The following CYP26C1 variants were observed in gnomAD, a reference collection of about 807,000 sequenced individuals.
CYP26C1 encodes cytochrome P450 family 26 subfamily C member 1.
Under a neutral mutation model 39.1 loss-of-function variants are expected in CYP26C1, and 41 were observed. The observed-to-expected ratio is 1.05, with a 90% CI of 0.82 to 1.36. CYP26C1 has a LOEUF of 1.36. Ranked by LOEUF, CYP26C1 falls within the 40% of genes most tolerant of loss-of-function variation. The probability of loss-of-function intolerance (pLI) is 0.00; values close to 1 mark genes in which losing one functional copy is unlikely to be tolerated. For synonymous variants in CYP26C1, 362 were observed against 350.8 expected, an observed-to-expected ratio of 1.03 and a Z score of -0.36; for missense variants, 833 against 752.0, an observed-to-expected ratio of 1.11 and a Z score of -1.26.
At chr10:93,067,216 C>G (rs2134415576) in intron 5 of CYP26C1, among the ~76,000 whole-genome samples, 1 of 152,348 alleles carries the variant, frequency 6.6e-6, no homozygotes, top group African/African-American at 2.4e-5. Flanking sequence ...GACTGACAGC[C>G]TCATCCCACT....
At chr10:93,066,937 C>T (rs1474140242) in intron 5 of CYP26C1, among the ~76,000 whole-genome samples, 3 of 152,240 alleles carry the variant, frequency 2.0e-5, no homozygotes, top group Non-Finnish European at 4.4e-5. Context: ...CTTTCCAGCT[C>T]TGACACTCCA....
chr10:93,064,482 A>G lies in CYP26C1; in HGVS notation c.807A>G (p.Leu269=). The change falls in exon 4 of 6, where the codon CTA becomes CTG. Residue 269 remains leucine (L), a synonymous_variant. Coordinates refer to ENST00000651965, the MANE Select transcript of CYP26C1 (RefSeq NM_183374.3). ...KAAEPGDALD[L]IIHSARELGH... ...CAGAGCCGGGTGATGCCCTCGACCT[A>G]ATCATTCACAGTGCAAGGGAGCTGG... The G allele has an allele frequency of 6.2e-7, 1 of 1,614,122 alleles. No homozygotes were observed. Among genetic ancestry groups the G allele is most frequent in the Non-Finnish European group, 8.5e-7 (1 of 1,180,020 alleles).
Position 93,068,867 on chromosome 10 carries a change from G to T in CYP26C1, c.*170G>T. On this transcript the variant is annotated 3_prime_UTR_variant, in exon 6 of 6. Coordinates refer to ENST00000651965, the MANE Select transcript of CYP26C1 (RefSeq NM_183374.3). ...GTGTGCCGGACTCGAGGAAGGAGGA[G>T]GGCGAGCCACCGCTGCCGCGCCAGA... 1 of 1,203,372 alleles carries T rather than the reference G, an allele frequency of 8.3e-7. No individual in the cohort carries two copies. The allele number at this position is 1,203,372 out of a possible 1,614,324, so 74.5% of individuals were successfully genotyped here.
In CYP26C1 at chr10:93,066,277, G is replaced by A; in HGVS notation, c.1183G>A (p.Glu395Lys). The A allele has an allele frequency of 2.1e-6, 3 of 1,398,934 alleles. No homozygotes were observed. Among genetic ancestry groups the A allele is most frequent in the Non-Finnish European group, 2.8e-6 (3 of 1,076,422 alleles). 86.7% of individuals were successfully genotyped at this position (1,398,934 alleles called of 1,614,324 possible). A position where few individuals can be genotyped will look rare whatever the true frequency, so the allele number is the denominator to read the frequency against. Residue 395 changes from glutamate to lysine, a missense_variant, in exon 5 of 6, where the codon GAG (glutamate) becomes AAG (lysine). By Grantham distance (56) the Glu-to-Lys change is moderately conservative. Coordinates refer to ENST00000651965, the MANE Select transcript of CYP26C1 (RefSeq NM_183374.3). ...GGYRTALRTF[E>K]LDGYQIPKGW... Reference sequence around the variant, plus strand: ...CTACCGCACCGCCCTGCGCACCTTCGAGCTCGACGTAAGTGCGCCGTGCCA... The same window carrying A: ...CTACCGCACCGCCCTGCGCACCTTCAAGCTCGACGTAAGTGCGCCGTGCCA...
intron 4 of CYP26C1, 103 bp from the exon 5 acceptor site, chr10:93,065,853 C>A: frequency 1.7e-6 from 2 of 1,162,764 alleles, no homozygotes; most frequent in South Asian, 2.3e-5. Flanking sequence ...TGGCTTTTCG[C>A]AATAGTAAAT....
chr10:93,062,068 T>A lies in CYP26C1; in HGVS notation c.263T>A (p.Leu88Gln). 1 of 1,581,162 alleles carries A rather than the reference T, an allele frequency of 6.3e-7. No homozygotes were observed. The highest frequency in any genetic ancestry group is 2.3e-5 in the East Asian group (1 of 43,566). Reference protein sequence around the residue: ...ERYGTVFKTHLLGRPVIRVSG... With the variant: ...ERYGTVFKTHQLGRPVIRVSG... ...TATGGGACAGTGTTCAAGACGCACC[T>A]GCTGGGCAGGCCAGTGATCCGCGTG... The change falls in exon 2 of 6, where the codon CTG becomes CAG. Residue 88 changes from leucine to glutamine, a missense_variant. Leu to Gln is a moderately radical substitution (Grantham distance 113, BLOSUM62 -2). Transcript: ENST00000651965.
At chr10:93,063,086 G>A (rs1846774010) in intron 3 of CYP26C1, 91 bp downstream of exon 3, 2 of 1,476,186 alleles carry the variant, frequency 1.4e-6, no homozygotes, top group Admixed American at 2.3e-5. Flanking sequence ...GGCGCACCCC[G>A]CGCGTCCGTC....
intron 2 of CYP26C1, 39 bp downstream of exon 2, chr10:93,062,273 C>T (rs929161821): frequency 2.0e-6 from 3 of 1,484,784 alleles, no homozygotes; most frequent in Non-Finnish European, 1.8e-6. Context: ...TACGTCGGAT[C>T]CGCGGTCCCC....
At position 93,061,113 on chromosome 10, in the gene CYP26C1, TC is replaced by T; in HGVS notation, c.-150del. On this transcript the variant is annotated 5_prime_UTR_variant, in exon 1 of 6. Transcript: ENST00000651965. Reference sequence around the variant, plus strand: ...CGTCCGTCTGTTTTTAGAACAGAGTTCTGGCCTGAGCTTATAAATCTCGGGC... The same window carrying T: ...CGTCCGTCTGTTTTTAGAACAGAGTTTGGCCTGAGCTTATAAATCTCGGGC... The T allele has an allele frequency of 1.3e-6, 1 of 779,842 alleles. No individual in the cohort carries two copies. The highest frequency in any genetic ancestry group is 2.0e-6 in the Non-Finnish European group (1 of 491,924). 48.3% of individuals were successfully genotyped at this position (779,842 alleles called of 1,614,324 possible). A position where few individuals can be genotyped will look rare whatever the true frequency, so the allele number is the denominator to read the frequency against.
intron 3 of CYP26C1, chr10:93,063,761 T>C (rs1303548488): frequency 1.0e-6 from 1 of 982,796 alleles, no homozygotes; most frequent in East Asian, 1.1e-4. Context: ...TTTTATTGAC[T>C]TACCCAAGAT....
Position 93,062,168 on chromosome 10 carries a change from G to A in CYP26C1, c.363G>A (p.Ala121=). The change falls in exon 2 of 6, where the codon GCG becomes GCA. Residue 121 remains alanine (A), a synonymous_variant. Transcript: ENST00000651965. ...RLVRSQWPQS[A]HILLGSHTLL... is the part of the protein sequence containing the mutation. The stretch of plus-strand genomic sequence containing the variant: ...TGCGCAGCCAGTGGCCGCAGAGTGC[G>A]CACATCCTGCTGGGCTCGCACACAC... 6.5e-7 allele frequency: 1 copy of A among 1,538,852 alleles called. No individual in the cohort carries two copies. Among genetic ancestry groups the A allele is most frequent in the African/African-American group, 1.4e-5 (1 of 73,150 alleles).
chr10:93,061,064 C>T lies in CYP26C1; in HGVS notation c.-200C>T, dbSNP rs1198032208. On this transcript the variant is annotated 5_prime_UTR_variant, in exon 1 of 6. Coordinates refer to ENST00000651965, the MANE Select transcript of CYP26C1 (RefSeq NM_183374.3). ...TCGAGGAAGGCACGTTCCCTAAGGGCGCACGGTCACTGCAGTCTTTCACCG... is the reference window on the plus strand; with the variant it reads ...TCGAGGAAGGCACGTTCCCTAAGGGTGCACGGTCACTGCAGTCTTTCACCG... 1.7e-6 allele frequency: 1 copy of T among 578,670 alleles called. No homozygotes were observed. The highest frequency in any genetic ancestry group is 3.2e-5 in the East Asian group (1 of 31,136). The allele number at this position is 578,670 out of a possible 1,614,324, so 35.8% of individuals were successfully genotyped here.
At position 93,069,023 on chromosome 10, in the gene CYP26C1, GC is replaced by G. The variant is rs1427313313; in HGVS notation, c.*328del. On this transcript the variant is annotated 3_prime_UTR_variant, in exon 6 of 6. Coordinates refer to ENST00000651965, the MANE Select transcript of CYP26C1 (RefSeq NM_183374.3). ...GTGCTGCTTGGCTTCCCCTTCCCGAGCCAATCCAGGGAGGGTGCATGGATGG... is the reference window on the plus strand; with the variant it reads ...GTGCTGCTTGGCTTCCCCTTCCCGAGCAATCCAGGGAGGGTGCATGGATGG... The G allele has an allele frequency of 7.4e-6, 2 of 271,780 alleles. No homozygotes were observed. Among genetic ancestry groups the G allele is most frequent in the African/African-American group, 4.4e-5 (2 of 45,364 alleles). The allele number at this position is 271,780 out of a possible 1,614,324, so 16.8% of individuals were successfully genotyped here.
In CYP26C1 at chr10:93,068,610, G is replaced by C. The variant is rs370290902; in HGVS notation, c.1482G>C (p.Thr494=). 95 of 1,601,172 alleles carry C rather than the reference G, an allele frequency of 5.9e-5. No homozygotes were observed. The highest frequency in any genetic ancestry group is 4.8e-4 in the Admixed American group (28 of 58,138). ...CACCCGCCTTCCCCGCCATGCAGAC[G>C]GTGCCCATCGTGCACCCAGTGGACG... The part of the protein sequence containing the change: ...LATPAFPAMQ[T]VPIVHPVDGL... Residue 494 remains threonine, a synonymous_variant, in exon 6 of 6, where the codon ACG becomes ACC. Transcript: ENST00000651965.
In CYP26C1 at chr10:93,068,424, C is replaced by G. The variant is rs369389252; in HGVS notation, c.1296C>G (p.Arg432=). ...CTCCCGAAGGCTTCGATCCAGAGCG[C>G]TTCGGCGCAGCGCGCGAAGATTCCC... The part of the protein sequence containing the change: ...RSPPEGFDPE[R]FGAAREDSRG... The change falls in exon 6 of 6, where the codon CGC becomes CGG. Residue 432 remains arginine, a synonymous_variant. Coordinates refer to ENST00000651965, the MANE Select transcript of CYP26C1 (RefSeq NM_183374.3). 6.2e-7 allele frequency: 1 copy of G among 1,612,132 alleles called. No homozygotes were observed. The highest frequency in any genetic ancestry group is 8.5e-7 in the Non-Finnish European group (1 of 1,179,624).
rs1846862691 is a variant in CYP26C1 at position 93,068,850 on chromosome 10, G to C, written c.*153G>C. The C allele has an allele frequency of 1.5e-6, 2 of 1,317,262 alleles. No homozygotes were observed. Among genetic ancestry groups the C allele is most frequent in the Non-Finnish European group, 9.9e-7 (1 of 1,010,438 alleles). 81.6% of individuals were successfully genotyped at this position (1,317,262 alleles called of 1,614,324 possible). On this transcript the variant is annotated 3_prime_UTR_variant, in exon 6 of 6. Transcript: ENST00000651965. The stretch of plus-strand genomic sequence containing the variant: ...GTTCGCCAAACGCGGATGTGTGCCG[G>C]ACTCGAGGAAGGAGGAGGGCGAGCC...
intron 2 of CYP26C1, 25 bp downstream of exon 2, chr10:93,062,259 T>C (rs1430543215): frequency 2.7e-6 from 4 of 1,499,824 alleles, no homozygotes; most frequent in Non-Finnish European, 3.6e-6. Context: ...GAATGGACCG[T>C]AGATACGTCG....
At chr10:93,067,518 CA>C (rs1438431491) in intron 5 of CYP26C1, among the ~76,000 whole-genome samples, 16 of 152,274 alleles carry the variant, frequency 1.1e-4, no homozygotes, top group Admixed American at 1.0e-3. Context: ...GGGTCTTAGC[CA>C]CCTCCAGTTC....
chr10:93,063,976 C>G, intron 3 of CYP26C1: 1 of 1,005,634 alleles, frequency 9.9e-7, no homozygotes, highest in Non-Finnish European at 1.2e-6. Context: ...CAGAGCTTTG[C>G]TGGGTGCATC....
Sources: gnomAD v4.1 joint callset for allele counts (sites outside exome capture counted in the v4.1 genomes callset) on GRCh38, gnomAD v4.1.1 for gene constraint, MANE v1.5 for transcripts, NCBI Gene and HGNC (gene_info 2026-07-23, HGNC 2026-07-21) for gene names.